Variants in SPHKAP observed in about 807,000 individuals in gnomAD.
The protein encoded by SPHKAP is SPHK1 interactor, AKAP domain containing, also known as A-kinase anchor protein SPHKAP.
SPHKAP carries 67 observed loss-of-function variants against 137.5 expected under a neutral mutation model. The ratio of observed to expected loss-of-function variants is 0.49; its 90% CI spans 0.40 to 0.60. The LOEUF is 0.60. SPHKAP is among the 20% of genes least tolerant of loss of function. The pLI is 0.00. For missense variants in SPHKAP, 2,097 were observed against 2,069.3 expected, an observed-to-expected ratio of 1.01 and a Z score of -0.26; for synonymous variants, 813 against 785.3, an observed-to-expected ratio of 1.04 and a Z score of -0.59.
chr2:228,163,182 T>C (rs1700326143), intron 1 of SPHKAP, among the ~76,000 whole-genome samples: 1 of 152,132 alleles, frequency 6.6e-6, no homozygotes, highest in Admixed American at 6.6e-5. Flanking sequence ...GCAGCAACAA[T>C]GACAGGCTGG....
chr2:228,058,165 T>A (rs534908201), intron 3 of SPHKAP, among the ~76,000 whole-genome samples: 3 of 152,274 alleles, frequency 2.0e-5, no homozygotes, highest in African/African-American at 7.2e-5. Context: ...CCAGTTGACA[T>A]CCACCACTCC....
intron 3 of SPHKAP, among the ~76,000 whole-genome samples, chr2:228,103,180 A>AC (rs1202259820): frequency 4.6e-5 from 7 of 151,670 alleles, no homozygotes; most frequent in African/African-American, 1.7e-4. Flanking sequence ...TTTTCCCCCA[A>AC]CCCCCCACAG....
At chr2:228,096,186 G>A (rs758501985) in intron 3 of SPHKAP, among the ~76,000 whole-genome samples, 6 of 152,266 alleles carry the variant, frequency 3.9e-5, no homozygotes, top group Non-Finnish European at 7.4e-5. Context: ...TAATGAAACC[G>A]GGAAAAGGGC....
chr2:228,103,903 A>G (rs1307996651), intron 3 of SPHKAP, among the ~76,000 whole-genome samples: 1 of 152,142 alleles, frequency 6.6e-6, no homozygotes, highest in African/African-American at 2.4e-5. Context: ...AAGGAGAATC[A>G]TGTCTGCAAT....
Position 228,018,038 on chromosome 2 carries a change from G to T in SPHKAP, c.2816C>A (p.Ser939Tyr). ...AATCGCTGCAATTTCAGTTGCCATG[G>T]AGACGACCGTGTCTGCTAATTCTTC... The part of the protein sequence containing the change: ...FAEELADTVV[S>Y]MATEIAAICL... The change falls in exon 7 of 12, where the codon TCC becomes TAC. Residue 939 changes from serine to tyrosine, a missense_variant. Transcript: ENST00000392056. The T allele has an allele frequency of 6.2e-7, 1 of 1,614,160 alleles. No homozygotes were observed. The highest frequency in any genetic ancestry group is 1.1e-5 in the South Asian group (1 of 91,080).
intron 2 of SPHKAP, among the ~76,000 whole-genome samples, chr2:228,113,589 C>G (rs2106353527): frequency 6.7e-6 from 1 of 149,082 alleles, no homozygotes; most frequent in Admixed American, 6.8e-5. Flanking sequence ...AAATCCCAGT[C>G]TATGCATTTA....
intron 3 of SPHKAP, among the ~76,000 whole-genome samples, chr2:228,080,201 G>C (rs75356907): frequency 0.01 from 1,534 of 151,898 alleles, 42 homozygotes; most frequent in African/African-American, 0.035. Flanking sequence ...ATATGGAGTG[G>C]GAGAACATAT....
At chr2:228,126,389 G>T (rs1490262561) in intron 2 of SPHKAP, among the ~76,000 whole-genome samples, 1 of 152,086 alleles carries the variant, frequency 6.6e-6, no homozygotes, top group Non-Finnish European at 1.5e-5. Flanking sequence ...AGAATTCTGA[G>T]GTCATGTCCA....
At chr2:228,077,725 GT>G (rs1697229217) in intron 3 of SPHKAP, among the ~76,000 whole-genome samples, 1 of 152,198 alleles carries the variant, frequency 6.6e-6, no homozygotes, top group South Asian at 2.1e-4. Context: ...TTTTGAGTTA[GT>G]GCTGAAATGA....
At chr2:228,066,942 C>T (rs1216368335) in intron 3 of SPHKAP, among the ~76,000 whole-genome samples, 1 of 152,164 alleles carries the variant, frequency 6.6e-6, no homozygotes. Context: ...ACCTTCTCTT[C>T]ATTTCTTTAT....
At chr2:228,176,415 G>C (rs1418179884) in intron 1 of SPHKAP, among the ~76,000 whole-genome samples, 1 of 152,206 alleles carries the variant, frequency 6.6e-6, no homozygotes, top group African/African-American at 2.4e-5. Flanking sequence ...GAAGACTAAA[G>C]TAGGAGTGAC....
chr2:228,040,829 C>T (rs769214513), intron 3 of SPHKAP, among the ~76,000 whole-genome samples: 12 of 152,006 alleles, frequency 7.9e-5, no homozygotes, highest in East Asian at 1.9e-4. Context: ...TCATTTGAAT[C>T]GAGGATACAC....
chr2:228,034,319 G>T (rs1311502242), intron 3 of SPHKAP, among the ~76,000 whole-genome samples: 1 of 152,128 alleles, frequency 6.6e-6, no homozygotes, highest in Admixed American at 6.5e-5. Flanking sequence ...ACCCTCCCAA[G>T]ACTAAACCAG....
chr2:228,016,878 C>G lies in SPHKAP; in HGVS notation c.3976G>C (p.Asp1326His), dbSNP rs146069271. The G allele has an allele frequency of 2.5e-6, 4 of 1,614,070 alleles. No individual in the cohort carries two copies. In the South Asian group the frequency reaches 4.4e-5, roughly 18 times the overall value. ...TCAGTGTCAGCTTCCTCTGCATCATCCACAATGATTTTGTTCTTGCGCATG... is the reference window on the plus strand; with the variant it reads ...TCAGTGTCAGCTTCCTCTGCATCATGCACAATGATTTTGTTCTTGCGCATG... ...ALMRKNKIIV[D>H]DAEEADTEPV... Residue 1326 changes from aspartate to histidine, a missense_variant, in exon 7 of 12, where the codon GAT (aspartate) becomes CAT (histidine). Transcript: ENST00000392056.
chr2:228,113,460 A>T (rs1480416704), intron 2 of SPHKAP, among the ~76,000 whole-genome samples: 1 of 152,084 alleles, frequency 6.6e-6, no homozygotes, highest in Non-Finnish European at 1.5e-5. Context: ...GCTTAGAGGG[A>T]TCAATACTTT....
At chr2:228,060,064 C>T (rs1156918142) in intron 3 of SPHKAP, among the ~76,000 whole-genome samples, 1 of 152,226 alleles carries the variant, frequency 6.6e-6, no homozygotes, top group East Asian at 1.9e-4. Flanking sequence ...AGTTTGAAGA[C>T]AATTCTGATG....
At chr2:227,998,518 A>T (rs1412451806) in intron 7 of SPHKAP, among the ~76,000 whole-genome samples, 2 of 152,176 alleles carry the variant, frequency 1.3e-5, no homozygotes, top group Non-Finnish European at 2.9e-5. Flanking sequence ...AAAAACAGTC[A>T]CTTGATCTAG....
At chr2:228,013,274 CAG>C (rs1232571228) in intron 7 of SPHKAP, among the ~76,000 whole-genome samples, 1 of 151,996 alleles carries the variant, frequency 6.6e-6, no homozygotes. Context: ...TTTTTTGAGA[CAG>C]AGTCTTGCCC....
intron 2 of SPHKAP, among the ~76,000 whole-genome samples, chr2:228,120,413 T>A (rs1187744835): frequency 6.6e-6 from 1 of 152,162 alleles, no homozygotes; most frequent in Non-Finnish European, 1.5e-5. Context: ...AAGGATATAA[T>A]TTGAGCACAA....
Sources: allele counts gnomAD v4.1 joint callset (sites outside exome capture counted in the v4.1 genomes callset), GRCh38; gene constraint gnomAD v4.1.1; transcripts MANE v1.5; gene names NCBI Gene and HGNC (gene_info 2026-07-23, HGNC 2026-07-21).